Variants in NGEF observed in about 807,000 individuals in gnomAD.
NGEF encodes neuronal guanine nucleotide exchange factor, also known as ephexin-1.
NGEF carries 31 observed loss-of-function variants against 80.9 expected under a neutral mutation model. The ratio of observed to expected loss-of-function variants is 0.38; its 90% CI spans 0.29 to 0.52. The LOEUF is 0.52. Among genes scored for constraint, NGEF ranks in the 20% least tolerant of loss-of-function variants. The pLI, the probability that NGEF is intolerant of heterozygous loss-of-function variation, is 0.84. For synonymous variants in NGEF, 371 were observed against 370.2 expected, an observed-to-expected ratio of 1.00 and a Z score of -0.03; for missense variants, 709 against 926.2, an observed-to-expected ratio of 0.77 and a Z score of 3.04.
chr2:232,993,133 TTA>T (rs1694688409), intron 1 of NGEF, among the ~76,000 whole-genome samples: 1 of 33,560 alleles, frequency 3.0e-5, no homozygotes, highest in Non-Finnish European at 5.2e-5. Flanking sequence ...AAATATATAT[TTA>T]TTTATATATA....
chr2:232,918,711 TG>T (rs1297720965), intron 5 of NGEF, among the ~76,000 whole-genome samples: 2 of 149,728 alleles, frequency 1.3e-5, no homozygotes, highest in Non-Finnish European at 1.5e-5. Context: ...CTTGGCTCAC[TG>T]CAACCTCCCG....
chr2:232,941,707 C>T (rs1020466587), intron 3 of NGEF, among the ~76,000 whole-genome samples: 2 of 152,168 alleles, frequency 1.3e-5, no homozygotes, highest in East Asian at 1.9e-4. Context: ...GGGTTTAAAG[C>T]GTTCACGTAG....
chr2:232,995,806 C>T (rs73107118), intron 1 of NGEF, among the ~76,000 whole-genome samples: 15,762 of 145,328 alleles, frequency 0.11, 2,793 homozygotes, highest in African/African-American at 0.37. Flanking sequence ...TATATGTATA[C>T]ATATAATACA....
At chr2:232,923,606 G>C (rs547181960) in intron 4 of NGEF, among the ~76,000 whole-genome samples, 1 of 152,070 alleles carries the variant, frequency 6.6e-6, no homozygotes, top group South Asian at 2.1e-4. Context: ...GTGGTAGCAG[G>C]TGCCTGTAAT....
chr2:232,893,034 C>T lies in NGEF; in HGVS notation c.1006G>A (p.Glu336Lys), dbSNP rs201072229. The change falls in exon 7 of 15, where the codon GAG becomes AAG. Residue 336 changes from glutamate to lysine, a missense_variant. Physicochemically the swap from Glu to Lys is moderately conservative, Grantham distance 56. Around this residue, in one of 2 missense-constraint regions of NGEF, gnomAD observed 426 missense variants for 622.9 expected, o/e 0.68. Coordinates refer to ENST00000264051, the MANE Select transcript of NGEF (RefSeq NM_019850.3). ...AVSERFLLEL[E>K]HRMEENIVIS... ...ACGATGTTCTCCTCCATCCGGTGCT[C>T]CAGCTCCAGGAGGAACCTACGAGAG... 1.1e-5 allele frequency: 17 copies of T among 1,612,668 alleles called. No individual in the cohort carries two copies. The highest frequency in any genetic ancestry group is 1.4e-5 in the Non-Finnish European group (17 of 1,179,528).
chr2:232,954,682 G>T (rs932321411), intron 3 of NGEF, among the ~76,000 whole-genome samples: 10 of 150,112 alleles, frequency 6.7e-5, no homozygotes, highest in Non-Finnish European at 3.0e-5. Context: ...CCGAGATCAC[G>T]CCACTGCACT....
Position 232,894,807 on chromosome 2 carries a change from T to G in NGEF, c.938A>C (p.Glu313Ala). Reference protein sequence around the residue: ...ERIRKILHPSEAHILFSNVLD... With the variant: ...ERIRKILHPSAAHILFSNVLD... ...GACGTTGGAGAAGAGGATGTGCGCC[T>G]CGGACGGGTGCAGGATCTTCCTTAT... is the stretch of plus-strand genomic sequence containing the variant. The change falls in exon 6 of 15, where the codon GAG becomes GCG. Residue 313 changes from glutamate to alanine, a missense_variant. Transcript: ENST00000264051. The G allele has an allele frequency of 6.2e-7, 1 of 1,611,396 alleles. No homozygotes were observed. Among genetic ancestry groups the G allele is most frequent in the Non-Finnish European group, 8.5e-7 (1 of 1,178,778 alleles).
intron 1 of NGEF, among the ~76,000 whole-genome samples, chr2:232,980,560 G>A (rs147983265): frequency 0.1 from 15,430 of 151,756 alleles, 834 homozygotes; most frequent in Middle Eastern, 0.16. Flanking sequence ...GTGCAGTGGC[G>A]CGATCTCAGC....
intron 11 of NGEF, among the ~76,000 whole-genome samples, chr2:232,883,769 C>T (rs899111147): frequency 6.6e-6 from 1 of 152,196 alleles, no homozygotes; most frequent in African/African-American, 2.4e-5. Flanking sequence ...GAGTAAAACC[C>T]CCACTTTACA....
chr2:232,909,526 A>G (rs1430311811), intron 5 of NGEF, among the ~76,000 whole-genome samples: 2 of 152,244 alleles, frequency 1.3e-5, no homozygotes, highest in Non-Finnish European at 1.5e-5. Context: ...CAAACACAAT[A>G]AAATGGAAGA....
At chr2:232,976,419 C>T (rs903480684) in intron 1 of NGEF, among the ~76,000 whole-genome samples, 1 of 152,192 alleles carries the variant, frequency 6.6e-6, no homozygotes, top group Admixed American at 6.5e-5. Context: ...CACCAGCCAG[C>T]CCCACACTAC....
intron 5 of NGEF, among the ~76,000 whole-genome samples, chr2:232,898,401 G>C (rs1390633283): frequency 6.6e-6 from 1 of 152,228 alleles, no homozygotes; most frequent in Non-Finnish European, 1.5e-5. Context: ...GGGCCTTTCA[G>C]CTGTGGGCCT....
In NGEF at chr2:232,891,367, C is replaced by T; in HGVS notation, c.1263G>A (p.Leu421=). 1 of 1,613,576 alleles carries T rather than the reference C, an allele frequency of 6.2e-7. No homozygotes were observed. Among genetic ancestry groups the T allele is most frequent in the Non-Finnish European group, 8.5e-7 (1 of 1,179,924 alleles). The change falls in exon 8 of 15, where the codon CTG becomes CTA. Residue 421 remains leucine (L), a synonymous_variant. Coordinates refer to ENST00000264051, the MANE Select transcript of NGEF (RefSeq NM_019850.3). ...LPFQRITRLK[L]LVQNILKRVE... ...GTGGAGGAGGCTGTACCTGGACCAA[C>T]AGCTTGAGGCGTGTGATCCTCTGGA...
At chr2:232,980,548 G>C (rs1694391675) in intron 1 of NGEF, among the ~76,000 whole-genome samples, 1 of 151,992 alleles carries the variant, frequency 6.6e-6, no homozygotes, top group Admixed American at 6.6e-5. Context: ...GCCTAGGCTG[G>C]CGTGCAGTGG....
intron 5 of NGEF, among the ~76,000 whole-genome samples, chr2:232,895,617 G>C (rs1387164304): frequency 6.6e-6 from 1 of 151,958 alleles, no homozygotes; most frequent in Non-Finnish European, 1.5e-5. Flanking sequence ...TAGTGGGTGC[G>C]AAAGTCAGCA....
chr2:232,929,350 G>C (rs1184288464), intron 3 of NGEF, among the ~76,000 whole-genome samples: 1 of 152,194 alleles, frequency 6.6e-6, no homozygotes, highest in African/African-American at 2.4e-5. Flanking sequence ...ATCAAGGGAG[G>C]GTTGGGGAGG....
Position 232,942,467 on chromosome 2 carries a change from T to A in NGEF, c.384-15281A>T, listed in dbSNP as rs1373991847. The stretch of plus-strand genomic sequence containing the variant: ...GGTTCCTCTCGGTAAATCGACTGAT[T>A]TACAGAGACAGGGACATCTTCCAGA... On this transcript the variant is annotated intron_variant, in intron 3 of 14. Transcript: ENST00000264051. Among the ~76,000 whole-genome samples the A allele has an allele frequency of 5.9e-5, 9 of 152,328 alleles. No individual in the cohort carries two copies. The East Asian group carries it at 1.7e-3, about 29-fold the overall frequency.
chr2:232,899,836 ACATT>A (rs1325848719), intron 5 of NGEF, among the ~76,000 whole-genome samples: 12 of 142,188 alleles, frequency 8.4e-5, no homozygotes, highest in East Asian at 2.2e-4. Flanking sequence ...ACGTTCACTC[ACATT>A]CACTCACACA....
intron 1 of NGEF, among the ~76,000 whole-genome samples, chr2:233,012,205 G>A (rs561945865): frequency 6.6e-6 from 1 of 152,314 alleles, no homozygotes; most frequent in African/African-American, 2.4e-5. Context: ...GAAATACACT[G>A]ATAGTCAATG....
Sources: allele counts gnomAD v4.1 joint callset (sites outside exome capture counted in the v4.1 genomes callset), GRCh38; gene constraint gnomAD v4.1.1; regional missense constraint gnomAD v4.1.1; transcripts MANE v1.5; gene names NCBI Gene and HGNC (gene_info 2026-07-23, HGNC 2026-07-21).